SLU7: variants seen among roughly 807,000 people sequenced by gnomAD.
The protein encoded by SLU7 is spliceosome associated SLU7, also known as pre-mRNA-splicing factor SLU7.
A neutral mutation model predicts 87.0 loss-of-function variants in SLU7; 60 were observed. The ratio of observed to expected loss-of-function variants is 0.69; its 90% CI spans 0.56 to 0.86. The LOEUF is 0.86. SLU7 is among the 40% of genes least tolerant of loss of function. SLU7 has a pLI of 0.00. For missense variants in SLU7, 507 were observed against 686.6 expected, an observed-to-expected ratio of 0.74 and a Z score of 2.92; for synonymous variants, 197 against 222.0, an observed-to-expected ratio of 0.89 and a Z score of 1.00.
chr5:160,406,387 T>G (rs1476104252), intron 12 of SLU7, 81 bp downstream of exon 12: 1 of 1,048,210 alleles, frequency 9.5e-7, no homozygotes, highest in Non-Finnish European at 1.3e-6. Context: ...TACAAATGGT[T>G]AGCTAATAAA....
In SLU7 at chr5:160,402,712, A is replaced by G. The variant is rs1324526764; in HGVS notation, c.*573T>C. ...AGGTAGAGAGCCAAGGCTTTTTTAC[A>G]TGACTCACATAAAACTGGAAATAGG... is the stretch of plus-strand genomic sequence containing the variant. On this transcript the variant is annotated 3_prime_UTR_variant, in exon 16 of 16. Transcript: ENST00000297151. 6.6e-6 allele frequency: 1 copy of G among 152,232 alleles called. No individual in the cohort carries two copies. Among genetic ancestry groups the G allele is most frequent in the Non-Finnish European group, 1.5e-5 (1 of 68,040 alleles). The allele number at this position is 152,232 out of a possible 1,614,324, so 9.4% of individuals were successfully genotyped here.
At chr5:160,413,334 A>ACTG in intron 5 of SLU7, 122 bp downstream of exon 5, 1 of 808,808 alleles carries the variant, frequency 1.2e-6, no homozygotes, top group Non-Finnish European at 2.0e-6. Context: ...ATACAGTAGT[A>ACTG]CTACTATTAT....
intron 1 of SLU7, 126 bp from the exon 2 acceptor site, chr5:160,415,436 G>T: frequency 3.3e-6 from 2 of 612,166 alleles, no homozygotes; most frequent in Non-Finnish European, 2.5e-6. Flanking sequence ...TATGTGTAAG[G>T]AAGGGTCTCT....
At chr5:160,406,281 A>C (rs761622718) in intron 12 of SLU7, 187 bp downstream of exon 12, 4 of 475,514 alleles carry the variant, frequency 8.4e-6, no homozygotes, top group African/African-American at 2.0e-5. Context: ...GATGATGGGT[A>C]TATAGATGAA....
rs1581066851 is a variant in SLU7, at chr5:160,409,714, C to T, written c.640-1017G>A. The stretch of plus-strand genomic sequence containing the variant: ...AGATCACTGGTTATATAATGTATTG[C>T]ACTCCATGGAACACTGAACGGCCAT... On this transcript the variant is annotated intron_variant, in intron 6 of 15. Coordinates refer to ENST00000297151, the MANE Select transcript of SLU7 (RefSeq NM_006425.5). Among the ~76,000 whole-genome samples the T allele has an allele frequency of 2.0e-5, 3 of 152,178 alleles. No individual in the cohort carries two copies. In the East Asian group the frequency reaches 5.8e-4, roughly 29 times the overall value.
At chr5:160,404,631 C>G in intron 14 of SLU7, 75 bp from the exon 15 acceptor site, 1 of 1,052,030 alleles carries the variant, frequency 9.5e-7, no homozygotes, top group South Asian at 1.4e-5. Context: ...GCGGCTGAGG[C>G]ACAAGAATCA....
Position 160,415,157 on chromosome 5 carries a change from G to A in SLU7, c.138C>T (p.Gly46=), listed in dbSNP as rs1378089128. The A allele has an allele frequency of 2.5e-6, 4 of 1,609,140 alleles. No individual in the cohort carries two copies. Among genetic ancestry groups the A allele is most frequent in the East Asian group, 2.2e-5 (1 of 44,584 alleles). The change falls in exon 2 of 16, where the codon GGC becomes GGT. Residue 46 remains glycine, a synonymous_variant. Transcript: ENST00000297151. ...KKELEEQRKL[G]NAPAEVDEEG... is the part of the protein sequence containing the mutation. ...CTTCATCAACTTCTGCAGGAGCATT[G>A]CCCAATTTTCGCTGTTCTTCTAGCT...
chr5:160,415,001 A>C, intron 2 of SLU7, 124 bp downstream of exon 2: 1 of 806,510 alleles, frequency 1.2e-6, no homozygotes, highest in South Asian at 2.0e-5. Context: ...GAGTTTGATA[A>C]AATAAAAAAC....
intron 15 of SLU7, among the ~76,000 whole-genome samples, chr5:160,404,192 T>C (rs1264138719): frequency 6.6e-6 from 1 of 152,176 alleles, no homozygotes; most frequent in Non-Finnish European, 1.5e-5. Context: ...GGTGAAATCC[T>C]GGCTCTATAA....
chr5:160,416,051 C>T (rs1269744698), intron 1 of SLU7, among the ~76,000 whole-genome samples: 1 of 152,120 alleles, frequency 6.6e-6, no homozygotes, highest in East Asian at 1.9e-4. Context: ...GCCACCATGC[C>T]CGGCTAATTT....
At chr5:160,405,282 A>G in intron 12 of SLU7, 147 bp from the exon 13 acceptor site, 1 of 610,750 alleles carries the variant, frequency 1.6e-6, no homozygotes, top group Non-Finnish European at 2.9e-6. Flanking sequence ...AACAGGGAGA[A>G]GGTAGTCTGA....
intron 14 of SLU7, 124 bp downstream of exon 14, chr5:160,404,685 A>G (rs1581059879): frequency 1.1e-6 from 1 of 875,468 alleles, no homozygotes; most frequent in Non-Finnish European, 1.8e-6. Flanking sequence ...CAGACCGTGC[A>G]CTGCGCTCGA....
intron 1 of SLU7, among the ~76,000 whole-genome samples, chr5:160,415,656 C>G (rs1290096368): frequency 1.3e-5 from 2 of 152,194 alleles, no homozygotes; most frequent in Admixed American, 1.3e-4. Flanking sequence ...TGTACCCCTT[C>G]AAGAATGAAT....
Position 160,407,591 on chromosome 5 carries a change from T to C in SLU7, c.1010A>G (p.Lys337Arg), listed in dbSNP as rs757634517. Residue 337 changes from lysine (K) to arginine (R), a missense_variant, in exon 11 of 16, where the codon AAG (lysine) becomes AGG (arginine). Physicochemically the swap from Lys to Arg is conservative, Grantham distance 26. Around this residue, in one of 6 missense-constraint regions of SLU7, gnomAD observed 49 missense variants for 144.1 expected, o/e 0.34. Transcript: ENST00000297151. The surrounding 1 kb of genome is among the most constrained non-coding windows in gnomAD (Gnocchi z 4.2). ...TGCCTGTAGATGCACTTCAGATCCC[T>C]TGTCATAGGCTTCCCATGCAAACAC... Reference protein sequence around the residue: ...TQLFAWEAYDKGSEVHLQADP... With the variant: ...TQLFAWEAYDRGSEVHLQADP... 2.4e-5 allele frequency: 38 copies of C among 1,613,178 alleles called. No homozygotes were observed. The highest frequency in any genetic ancestry group is 3.2e-5 in the Non-Finnish European group (38 of 1,179,760).
chr5:160,412,440 T>G lies in SLU7; in HGVS notation c.639+11A>C. 1 of 1,455,214 alleles carries G rather than the reference T, an allele frequency of 6.9e-7. No homozygotes were observed. The highest frequency in any genetic ancestry group is 1.2e-5 in the South Asian group (1 of 82,924). The allele number at this position is 1,455,214 out of a possible 1,614,324, so 90.1% of individuals were successfully genotyped here. The stretch of plus-strand genomic sequence containing the variant: ...AATAAAACCTTTTTATTGATCATTT[T>G]CATTACTTACAGCCTGTTCCACTAA... On this transcript the variant is annotated intron_variant, in intron 6 of 15. Transcript: ENST00000297151.
chr5:160,413,724 C>T (rs1765336987), intron 4 of SLU7, 104 bp from the exon 5 acceptor site: 6 of 1,127,610 alleles, frequency 5.3e-6, no homozygotes, highest in Non-Finnish European at 7.5e-6. Context: ...ATTCAATTTA[C>T]AGTTAGTCTT....
rs201045164 is a variant in SLU7, at chr5:160,414,460, G to C, written c.183C>G (p.Pro61=). 35 of 1,554,274 alleles carry C rather than the reference G, an allele frequency of 2.3e-5. No individual in the cohort carries two copies. Among genetic ancestry groups the C allele is most frequent in the Non-Finnish European group, 2.3e-5 (27 of 1,154,524 alleles). The part of the protein sequence containing the change: ...EVDEEGKDIN[P]HIPQYISSVP... ...CTGAAGAAATATACTGAGGAATATG[G>C]GGGTTGATGTCTCTGTAATTAAAGT... The change falls in exon 3 of 16, where the codon CCC becomes CCG. Residue 61 remains proline (P), a synonymous_variant. Transcript: ENST00000297151.
Position 160,403,244 on chromosome 5 carries a change from G to T in SLU7, c.*41C>A. 1 of 1,379,890 alleles carries T rather than the reference G, an allele frequency of 7.2e-7. No individual in the cohort carries two copies. The highest frequency in any genetic ancestry group is 9.8e-7 in the Non-Finnish European group (1 of 1,015,250). The allele number at this position is 1,379,890 out of a possible 1,614,324, so 85.5% of individuals were successfully genotyped here. On this transcript the variant is annotated 3_prime_UTR_variant, in exon 16 of 16. Coordinates refer to ENST00000297151, the MANE Select transcript of SLU7 (RefSeq NM_006425.5). Reference sequence around the variant, plus strand: ...TCATCAATAAGAAGCTGAAAAGAATGTATCAGCTGCATCTATCTTGGATGG... The same window carrying T: ...TCATCAATAAGAAGCTGAAAAGAATTTATCAGCTGCATCTATCTTGGATGG...
chr5:160,415,425 TTA>T (rs1765410772), intron 1 of SLU7, 115 bp from the exon 2 acceptor site: 1 of 727,078 alleles, frequency 1.4e-6, no homozygotes, highest in Non-Finnish European at 2.0e-6. Flanking sequence ...TTCTCCTATA[TTA>T]TGTGTAAGGA....
Sources: allele counts gnomAD v4.1 joint callset (sites outside exome capture counted in the v4.1 genomes callset), GRCh38; gene constraint gnomAD v4.1.1; regional missense constraint gnomAD v4.1.1; non-coding constraint Gnocchi (gnomAD v3.1); transcripts MANE v1.5; gene names NCBI Gene and HGNC (gene_info 2026-07-23, HGNC 2026-07-21).